TANC2: variants seen among roughly 807,000 people sequenced by gnomAD.
TANC2 encodes the protein tetratricopeptide repeat, ankyrin repeat and coiled-coil containing 2.
Under a neutral mutation model 210.5 loss-of-function variants are expected in TANC2, and 26 were observed. The observed-to-expected ratio is 0.12, with a 90% CI of 0.09 to 0.17. TANC2 has a LOEUF of 0.17. Ranked by LOEUF, TANC2 falls within the 10% of genes least tolerant of loss-of-function variation. The probability of loss-of-function intolerance (pLI) is 1.00; values close to 1 mark genes in which losing one functional copy is unlikely to be tolerated. For missense variants in TANC2, 2,129 were observed against 2,608.9 expected, an observed-to-expected ratio of 0.82 and a Z score of 4.01; for synonymous variants, 931 against 967.1, an observed-to-expected ratio of 0.96 and a Z score of 0.69.
At chr17:63,041,854 T>G (rs1234932300) in intron 2 of TANC2, among the ~76,000 whole-genome samples, 1 of 152,172 alleles carries the variant, frequency 6.6e-6, no homozygotes, top group Non-Finnish European at 1.5e-5. Flanking sequence ...GGTCCCACCC[T>G]TTCCCATCAT....
chr17:63,203,491 C>T (rs1351892317), intron 7 of TANC2, among the ~76,000 whole-genome samples: 15 of 151,958 alleles, frequency 9.9e-5, no homozygotes, highest in Admixed American at 3.9e-4. Context: ...TTCATATATG[C>T]GATTATAGAC....
At chr17:63,150,906 TAA>T (rs2039626840) in intron 4 of TANC2, 1 of 152,178 alleles carries the variant, frequency 6.6e-6, no homozygotes, top group Non-Finnish European at 1.5e-5. Flanking sequence ...CTTTGCTTTA[TAA>T]AGAGAGAGAA....
At chr17:63,267,915 T>A in intron 9 of TANC2, 42 bp downstream of exon 9, 1 of 1,566,678 alleles carries the variant, frequency 6.4e-7, no homozygotes, top group Non-Finnish European at 8.7e-7. Context: ...CGGGAACAGA[T>A]GGAAATGGGC....
chr17:63,226,032 A>G (rs573519710), intron 7 of TANC2, among the ~76,000 whole-genome samples: 3 of 152,334 alleles, frequency 2.0e-5, no homozygotes, highest in Admixed American at 2.0e-4. Flanking sequence ...CCACCTTGAA[A>G]ATATAGTAGA....
intron 2 of TANC2, among the ~76,000 whole-genome samples, chr17:63,010,920 G>A (rs1295383143): frequency 1.3e-5 from 2 of 151,980 alleles, no homozygotes; most frequent in Non-Finnish European, 1.5e-5. Context: ...GAATCCCATC[G>A]AACCCCATCC....
intron 1 of TANC2, among the ~76,000 whole-genome samples, chr17:63,000,876 A>G (rs1292986596): frequency 6.6e-6 from 1 of 151,916 alleles, no homozygotes; most frequent in Non-Finnish European, 1.5e-5. Context: ...TAACTTGAGG[A>G]AAATCATTTA....
chr17:63,298,365 A>G (rs2044602943), intron 9 of TANC2, among the ~76,000 whole-genome samples: 1 of 152,210 alleles, frequency 6.6e-6, no homozygotes, highest in African/African-American at 2.4e-5. Context: ...TTATTCAGCC[A>G]TCAAAAGGAA....
intron 5 of TANC2, among the ~76,000 whole-genome samples, chr17:63,178,205 C>T (rs1202847778): frequency 2.0e-5 from 3 of 152,052 alleles, no homozygotes; most frequent in Admixed American, 6.5e-5. Context: ...TGGTGGAGGG[C>T]GCCTGTAGTC....
chr17:63,064,476 CA>C, intron 2 of TANC2, among the ~76,000 whole-genome samples: 1 of 152,148 alleles, frequency 6.6e-6, no homozygotes. Flanking sequence ...AACAAACATA[CA>C]AAAACAAACA....
intron 2 of TANC2, among the ~76,000 whole-genome samples, chr17:63,031,617 G>A (rs2034773068): frequency 6.6e-6 from 1 of 152,066 alleles, no homozygotes; most frequent in African/African-American, 2.4e-5. Context: ...CATGCTCTAA[G>A]GATGAGGTAT....
intron 4 of TANC2, among the ~76,000 whole-genome samples, chr17:63,134,958 C>T (rs1004461006): frequency 6.6e-5 from 10 of 152,266 alleles, no homozygotes; most frequent in South Asian, 4.1e-4. Context: ...GTTACTGTGG[C>T]GCACACCTAG....
chr17:63,004,138 A>G (rs961622747), intron 1 of TANC2, among the ~76,000 whole-genome samples: 1 of 152,192 alleles, frequency 6.6e-6, no homozygotes, highest in African/African-American at 2.4e-5. Context: ...TTGTTTAACA[A>G]CTTTTCATGA....
chr17:63,287,356 C>A (rs1167081535), intron 9 of TANC2, among the ~76,000 whole-genome samples: 2 of 152,112 alleles, frequency 1.3e-5, no homozygotes, highest in African/African-American at 4.8e-5. Context: ...TCTACTAATT[C>A]TAACATCTGT....
At chr17:62,975,052 A>T (rs2031925397) in intron 1 of TANC2, among the ~76,000 whole-genome samples, 2 of 152,174 alleles carry the variant, frequency 1.3e-5, no homozygotes, top group South Asian at 4.1e-4. Context: ...TTTTACTGCC[A>T]TGGAAATCCC....
intron 1 of TANC2, among the ~76,000 whole-genome samples, chr17:62,996,895 C>G (rs111431475): frequency 6.7e-6 from 1 of 148,434 alleles, no homozygotes. Flanking sequence ...TTCACTGCAA[C>G]CTCTGCCTCC....
chr17:63,091,585 C>A (rs1392059860), intron 3 of TANC2, among the ~76,000 whole-genome samples: 1 of 152,126 alleles, frequency 6.6e-6, no homozygotes. Flanking sequence ...TGTTTTGGTA[C>A]CAGTACCATG....
At chr17:63,425,173 C>T (rs1369469461) in exon 28 of TANC2, 1 of 152,206 alleles carries the variant, frequency 6.6e-6, no homozygotes, top group Non-Finnish European at 1.5e-5. Context: ...AGCACAAACC[C>T]TTCTCGCTCC....
In TANC2 at chr17:63,216,100, G is replaced by A. The variant is rs180738401; in HGVS notation, c.769+15143G>A. 2.0e-5 allele frequency among the ~76,000 whole-genome samples: 3 copies of A among 152,090 alleles called. No homozygotes were observed. In the East Asian group the frequency reaches 5.8e-4, roughly 30 times the overall value. On this transcript the variant is annotated intron_variant, in intron 7 of 27. Coordinates refer to ENST00000689528, the Ensembl canonical transcript of TANC2. ...GTCTTGCTCTGTTGCCCAAGCTGGAGTGCAATGGTGCGATCTCGGCTCACT... is the reference window on the plus strand; with the variant it reads ...GTCTTGCTCTGTTGCCCAAGCTGGAATGCAATGGTGCGATCTCGGCTCACT...
chr17:63,268,264 AT>A (rs142544188), intron 9 of TANC2, among the ~76,000 whole-genome samples: 22,758 of 152,180 alleles, frequency 0.15, 2,024 homozygotes, highest in Middle Eastern at 0.21. Context: ...CAGGTTGAGC[AT>A]CCCTAATCTG....
Sources: gnomAD v4.1 joint callset for allele counts (sites outside exome capture counted in the v4.1 genomes callset) on GRCh38, gnomAD v4.1.1 for gene constraint, MANE v1.5 for transcripts, NCBI Gene and HGNC (gene_info 2026-07-23, HGNC 2026-07-21) for gene names.